The following FEM1C variants were observed in gnomAD, a reference collection of about 807,000 sequenced individuals.
FEM1C encodes fem-1 homolog C.
In FEM1C, 15 loss-of-function variants were observed where a neutral mutation model predicts 37.6. That is an observed-to-expected ratio of 0.40 (90% CI 0.27 to 0.61). FEM1C has a LOEUF of 0.61. FEM1C is among the 20% of genes least tolerant of loss of function. The probability of loss-of-function intolerance (pLI) is 0.42; values close to 1 mark genes in which losing one functional copy is unlikely to be tolerated. For synonymous variants in FEM1C, 287 were observed against 272.8 expected, an observed-to-expected ratio of 1.05 and a Z score of -0.51; for missense variants, 532 against 749.7, an observed-to-expected ratio of 0.71 and a Z score of 3.39.
intron 2 of FEM1C, among the ~76,000 whole-genome samples, chr5:115,537,082 A>T (rs1360775273): frequency 1.3e-5 from 2 of 151,942 alleles, no homozygotes; most frequent in Non-Finnish European, 2.9e-5. Flanking sequence ...GCTCTTCCCA[A>T]AGGGAGGAAA....
chr5:115,526,350 G>A (rs1033021302), intron 2 of FEM1C, among the ~76,000 whole-genome samples: 3 of 152,168 alleles, frequency 2.0e-5, no homozygotes, highest in Admixed American at 6.5e-5. Context: ...AAAAATATGC[G>A]GGTGGTTCAA....
intron 2 of FEM1C, among the ~76,000 whole-genome samples, chr5:115,532,819 T>G (rs1014091287): frequency 2.0e-5 from 3 of 152,048 alleles, no homozygotes; most frequent in African/African-American, 7.2e-5. Context: ...TTGATGGACA[T>G]CTGCACTGCT....
chr5:115,521,301 G>C lies in FEM1C; in HGVS notation c.*3007C>G, dbSNP rs1447716932. ...GCCTAAGGTTTCTGTTGGGCAATAT[G>C]ATTTTTAAAGAGCTACTTTTCCCAT... is the stretch of plus-strand genomic sequence containing the variant. On this transcript the variant is annotated 3_prime_UTR_variant, in exon 3 of 3. Coordinates refer to ENST00000274457, the MANE Select transcript of FEM1C (RefSeq NM_020177.3). 1.3e-5 allele frequency: 2 copies of C among 151,594 alleles called. No homozygotes were observed. Among genetic ancestry groups the C allele is most frequent in the African/African-American group, 4.8e-5 (2 of 41,358 alleles). 9.4% of individuals were successfully genotyped at this position (151,594 alleles called of 1,614,324 possible).
At chr5:115,533,595 G>A (rs143173360) in intron 2 of FEM1C, among the ~76,000 whole-genome samples, 9 of 151,992 alleles carry the variant, frequency 5.9e-5, no homozygotes, top group Admixed American at 4.6e-4. Flanking sequence ...AAGTACTATA[G>A]ATTTAGCTCA....
Position 115,522,022 on chromosome 5 carries a change from CTATT to C in FEM1C, c.*2282_*2285del, listed in dbSNP as rs1753786240. ...ATCTATTTTTACTGGTGCAAAAATGCTATTTAAAGAAATCCTTACTTTACACAGG... is the reference window on the plus strand; with the variant it reads ...ATCTATTTTTACTGGTGCAAAAATGCTAAAGAAATCCTTACTTTACACAGG... On this transcript the variant is annotated 3_prime_UTR_variant, in exon 3 of 3. Coordinates refer to ENST00000274457, the MANE Select transcript of FEM1C (RefSeq NM_020177.3). 6.6e-6 allele frequency: 1 copy of C among 151,770 alleles called. No individual in the cohort carries two copies. Among genetic ancestry groups the C allele is most frequent in the Non-Finnish European group, 1.5e-5 (1 of 67,778 alleles). 9.4% of individuals were successfully genotyped at this position (151,770 alleles called of 1,614,324 possible).
chr5:115,527,225 CT>C (rs1753913759), intron 2 of FEM1C, among the ~76,000 whole-genome samples: 1 of 152,026 alleles, frequency 6.6e-6, no homozygotes, highest in African/African-American at 2.4e-5. Context: ...TTGGGGGTGG[CT>C]TTGGGGATGC....
chr5:115,542,229 C>T (rs1365391655), intron 2 of FEM1C, among the ~76,000 whole-genome samples: 1 of 152,128 alleles, frequency 6.6e-6, no homozygotes, highest in African/African-American at 2.4e-5. Context: ...AATCAAAAAC[C>T]GGAGCCCTTC....
chr5:115,543,031 T>C lies in FEM1C; in HGVS notation c.463A>G (p.Ile155Val). 6.2e-7 allele frequency: 1 copy of C among 1,614,254 alleles called. No individual in the cohort carries two copies. Among genetic ancestry groups the C allele is most frequent in the Non-Finnish European group, 8.5e-7 (1 of 1,180,040 alleles). The change falls in exon 2 of 3, where the codon ATT becomes GTT. Residue 155 changes from isoleucine (I) to valine (V), a missense_variant. By Grantham distance (29) the Ile-to-Val change is conservative. Transcript: ENST00000274457. ...SNRHGHTCLM[I>V]SCYKGHKEIA... is the part of the protein sequence containing the mutation. ...TCTTTATGTCCTTTGTAACATGAAATCATCAAGCACGTATGCCCATGTCGG... is the reference window on the plus strand; with the variant it reads ...TCTTTATGTCCTTTGTAACATGAAACCATCAAGCACGTATGCCCATGTCGG...
intron 2 of FEM1C, among the ~76,000 whole-genome samples, chr5:115,531,816 A>C (rs1754020638): frequency 6.6e-6 from 1 of 152,094 alleles, no homozygotes; most frequent in Non-Finnish European, 1.5e-5. Context: ...GCAGTACTGA[A>C]ATGGGGTGGG....
chr5:115,536,544 G>C (rs779473332), intron 2 of FEM1C, among the ~76,000 whole-genome samples: 1 of 151,704 alleles, frequency 6.6e-6, no homozygotes, highest in Non-Finnish European at 1.5e-5. Flanking sequence ...ACAGGTGTAG[G>C]TTGATGGAGG....
intron 2 of FEM1C, among the ~76,000 whole-genome samples, chr5:115,536,138 G>C (rs1289212807): frequency 6.6e-6 from 1 of 151,944 alleles, no homozygotes; most frequent in Non-Finnish European, 1.5e-5. Flanking sequence ...ATGAAAAGCT[G>C]ATAGTTGTGA....
intron 2 of FEM1C, among the ~76,000 whole-genome samples, chr5:115,529,286 T>C (rs1192716311): frequency 6.6e-6 from 1 of 151,448 alleles, no homozygotes; most frequent in Non-Finnish European, 1.5e-5. Flanking sequence ...AAGAGAAAAA[T>C]CTTAAAACAA....
chr5:115,543,693 G>GA lies in FEM1C; in HGVS notation c.-190-11dup, dbSNP rs1047735953. ...CAACCAGGGCACCAAACTAGAGAAA[G>GA]AAAAAAAAAGTAGCAGCATTTAATT... On this transcript the variant is annotated splice_polypyrimidine_tract_variant and intron_variant, in intron 1 of 2. Transcript: ENST00000274457. 1.8e-4 allele frequency: 237 copies of GA among 1,313,262 alleles called. No individual in the cohort carries two copies. Among genetic ancestry groups the GA allele is most frequent in the South Asian group, 7.9e-4 (35 of 44,400 alleles). 81.4% of individuals were successfully genotyped at this position (1,313,262 alleles called of 1,614,324 possible). A position where few individuals can be genotyped will look rare whatever the true frequency, so the allele number is the denominator to read the frequency against.
chr5:115,524,158 T>C lies in FEM1C; in HGVS notation c.*150A>G. 1 of 608,794 alleles carries C rather than the reference T, an allele frequency of 1.6e-6. No individual in the cohort carries two copies. Among genetic ancestry groups the C allele is most frequent in the Non-Finnish European group, 2.9e-6 (1 of 346,856 alleles). The allele number at this position is 608,794 out of a possible 1,614,324, so 37.7% of individuals were successfully genotyped here. ...ATATTAAATATTGGGAAACCAATGT[T>C]GTAAATTTGATGCTTATAATGCTTT... On this transcript the variant is annotated 3_prime_UTR_variant, in exon 3 of 3. Coordinates refer to ENST00000274457, the MANE Select transcript of FEM1C (RefSeq NM_020177.3).
At chr5:115,534,286 C>T (rs77240345) in intron 2 of FEM1C, among the ~76,000 whole-genome samples, 3 of 151,866 alleles carry the variant, frequency 2.0e-5, no homozygotes, top group African/African-American at 7.2e-5. Flanking sequence ...TTTAAAGACA[C>T]CTGTAATCTT....
chr5:115,528,612 A>G (rs1272072796), intron 2 of FEM1C, among the ~76,000 whole-genome samples: 1 of 152,190 alleles, frequency 6.6e-6, no homozygotes, highest in Non-Finnish European at 1.5e-5. Context: ...AAAAGCCAGA[A>G]GCAAATATAA....
intron 2 of FEM1C, among the ~76,000 whole-genome samples, chr5:115,537,830 T>G (rs1754159518): frequency 1.3e-5 from 2 of 152,026 alleles, no homozygotes; most frequent in African/African-American, 4.8e-5. Flanking sequence ...AACTTCAGCT[T>G]TCAACACTCA....
In FEM1C at chr5:115,522,135, AGAG is replaced by A. The variant is rs1319758503; in HGVS notation, c.*2170_*2172del. On this transcript the variant is annotated 3_prime_UTR_variant, in exon 3 of 3. Transcript: ENST00000274457. ...GTAAGCCCTCCCACCCAGCCCCCAA[AGAG>A]GAGGAGGAAATACTAAATCAATTAA... is the stretch of plus-strand genomic sequence containing the variant. 2.0e-5 allele frequency: 3 copies of A among 151,572 alleles called. No individual in the cohort carries two copies. The highest frequency in any genetic ancestry group is 1.9e-4 in the East Asian group (1 of 5,168). 9.4% of individuals were successfully genotyped at this position (151,572 alleles called of 1,614,324 possible). A position where few individuals can be genotyped will look rare whatever the true frequency, so the allele number is the denominator to read the frequency against.
rs74327648 is a variant in FEM1C, at chr5:115,524,216, T to C, written c.*92A>G. The stretch of plus-strand genomic sequence containing the variant: ...GAGAGCACAATGATATCAATCAAGC[T>C]AAATGAATGCTGGTGTTATCACAAC... On this transcript the variant is annotated 3_prime_UTR_variant, in exon 3 of 3. Coordinates refer to ENST00000274457, the MANE Select transcript of FEM1C (RefSeq NM_020177.3). 1 of 1,011,222 alleles carries C rather than the reference T, an allele frequency of 9.9e-7. No homozygotes were observed. Among genetic ancestry groups the C allele is most frequent in the South Asian group, 1.5e-5 (1 of 66,336 alleles). 62.6% of individuals were successfully genotyped at this position (1,011,222 alleles called of 1,614,324 possible). A position where few individuals can be genotyped will look rare whatever the true frequency, so the allele number is the denominator to read the frequency against.
Sources: gnomAD v4.1 joint callset for allele counts (sites outside exome capture counted in the v4.1 genomes callset) on GRCh38, gnomAD v4.1.1 for gene constraint, MANE v1.5 for transcripts, NCBI Gene and HGNC (gene_info 2026-07-23, HGNC 2026-07-21) for gene names.